LRRTM4: variants seen among roughly 807,000 people sequenced by gnomAD.
The protein encoded by LRRTM4 is leucine-rich repeat transmembrane neuronal protein 4.
LRRTM4 carries 25 observed loss-of-function variants against 47.6 expected under a neutral mutation model. The ratio of observed to expected loss-of-function variants is 0.53; its 90% CI spans 0.38 to 0.73. The LOEUF (loss-of-function observed/expected upper bound fraction) is 0.73. Among genes scored for constraint, LRRTM4 ranks in the 30% least tolerant of loss-of-function variants. LRRTM4 has a pLI of 0.00. For missense variants in LRRTM4, 638 were observed against 713.4 expected, an observed-to-expected ratio of 0.89 and a Z score of 1.20; for synonymous variants, 311 against 269.5, an observed-to-expected ratio of 1.15 and a Z score of -1.51.
intron 3 of LRRTM4, among the ~76,000 whole-genome samples, chr2:77,078,355 AT>A (rs1232819571): frequency 6.9e-6 from 1 of 145,802 alleles, no homozygotes; most frequent in Admixed American, 7.0e-5. Flanking sequence ...ATTGAAAAAA[AT>A]ATGTTTGTCT....
intron 3 of LRRTM4, among the ~76,000 whole-genome samples, chr2:77,068,572 G>C (rs551380204): frequency 6.6e-6 from 1 of 152,238 alleles, no homozygotes; most frequent in South Asian, 2.1e-4. Context: ...GACATTTTCT[G>C]TCTGGCTTCC....
chr2:77,518,745 G>C lies in LRRTM4; in HGVS notation c.1124C>G (p.Pro375Arg). 6.2e-7 allele frequency: 1 copy of C among 1,613,370 alleles called. No homozygotes were observed. Among genetic ancestry groups the C allele is most frequent in the Non-Finnish European group, 8.5e-7 (1 of 1,179,632 alleles). Residue 375 changes from proline to arginine, a missense_variant, in exon 3 of 4, where the codon CCC becomes CGC. Transcript: ENST00000409884. ...VVNTERSHLV[P>R]QTPQKPLIIP... ...AATCAGAGGTTTCTGGGGAGTTTGG[G>C]GCACCAGGTGTGATCTTTCTGTGTT...
chr2:76,883,297 T>A (rs1236227359), intron 3 of LRRTM4, among the ~76,000 whole-genome samples: 1 of 152,198 alleles, frequency 6.6e-6, no homozygotes, highest in Admixed American at 6.5e-5. Flanking sequence ...AAAGGCTGCA[T>A]CTTATTTACA....
At chr2:77,101,629 C>G (rs752442540) in intron 3 of LRRTM4, among the ~76,000 whole-genome samples, 2 of 152,072 alleles carry the variant, frequency 1.3e-5, no homozygotes, top group African/African-American at 4.8e-5. Context: ...CAAAGCCCAT[C>G]TTTATTTATT....
intron 3 of LRRTM4, among the ~76,000 whole-genome samples, chr2:76,979,430 T>C (rs1676522148): frequency 6.6e-6 from 1 of 150,994 alleles, no homozygotes; most frequent in Non-Finnish European, 1.5e-5. Context: ...GTTAGACAAA[T>C]AGAAAAGTGA....
At chr2:77,081,025 T>G (rs1680511995) in intron 3 of LRRTM4, among the ~76,000 whole-genome samples, 1 of 152,148 alleles carries the variant, frequency 6.6e-6, no homozygotes, top group African/African-American at 2.4e-5. Context: ...TTTTCTTGCT[T>G]TAATTGCAAT....
intron 3 of LRRTM4, among the ~76,000 whole-genome samples, chr2:77,103,667 A>ATATATATATATATC (rs145819033): frequency 0.032 from 4,669 of 146,026 alleles, 155 homozygotes; most frequent in East Asian, 0.12. Context: ...ATATATAGAT[A>ATATATATATATATC]TATATATCAC....
rs372078370 is a variant in LRRTM4 at position 77,064,421 on chromosome 2, A to T, written c.1552-315505T>A. Among the ~76,000 whole-genome samples the T allele has an allele frequency of 2.0e-5, 3 of 152,300 alleles. 1 individual carries two copies. Among genetic ancestry groups the T allele is most frequent in the African/African-American group, 7.2e-5 (3 of 41,580 alleles). On this transcript the variant is annotated intron_variant, in intron 3 of 3. Transcript: ENST00000409884. The stretch of plus-strand genomic sequence containing the variant: ...GAAGCTAAGAAATGGTATCTTAATA[A>T]CTTAATTTGAAAGTAGATTTCAAAG...
At chr2:77,001,659 G>A (rs974097412) in intron 3 of LRRTM4, among the ~76,000 whole-genome samples, 4 of 152,094 alleles carry the variant, frequency 2.6e-5, no homozygotes, top group Middle Eastern at 3.4e-3. Context: ...TCAGCCCCTC[G>A]ATATCCAATA....
intron 3 of LRRTM4, among the ~76,000 whole-genome samples, chr2:76,831,350 C>T (rs532041271): frequency 6.6e-6 from 1 of 152,166 alleles, no homozygotes; most frequent in South Asian, 2.1e-4. Flanking sequence ...TGCACACGCT[C>T]GCATTTGTGT....
At chr2:77,406,023 A>G (rs1292018312) in intron 3 of LRRTM4, among the ~76,000 whole-genome samples, 1 of 152,120 alleles carries the variant, frequency 6.6e-6, no homozygotes, top group African/African-American at 2.4e-5. Flanking sequence ...GACATTAGAT[A>G]AAGAAGTGAA....
At chr2:76,808,226 G>A (rs1048989290) in intron 3 of LRRTM4, among the ~76,000 whole-genome samples, 1 of 150,282 alleles carries the variant, frequency 6.7e-6, no homozygotes, top group Non-Finnish European at 1.5e-5. Context: ...CATCATGTTG[G>A]TCAGGCTGGT....
intron 3 of LRRTM4, among the ~76,000 whole-genome samples, chr2:77,054,291 G>A (rs968451690): frequency 2.6e-5 from 4 of 152,086 alleles, no homozygotes; most frequent in African/African-American, 7.2e-5. Context: ...AAATAAATTG[G>A]TTGAAAATTA....
At chr2:77,466,470 TAG>T (rs1473966940) in intron 3 of LRRTM4, among the ~76,000 whole-genome samples, 5 of 152,348 alleles carry the variant, frequency 3.3e-5, no homozygotes, top group African/African-American at 9.6e-5. Context: ...TGCAGTTCAC[TAG>T]AGTCACTTAA....
At chr2:77,323,216 A>G (rs1670610630) in intron 3 of LRRTM4, among the ~76,000 whole-genome samples, 2 of 152,072 alleles carry the variant, frequency 1.3e-5, no homozygotes, top group African/African-American at 4.8e-5. Flanking sequence ...AAGTTATTCC[A>G]AACAGATTAA....
intron 3 of LRRTM4, among the ~76,000 whole-genome samples, chr2:76,904,695 C>A (rs1673761136): frequency 6.6e-6 from 1 of 152,102 alleles, no homozygotes; most frequent in Non-Finnish European, 1.5e-5. Context: ...GCTTTGAAGT[C>A]AGCAAACTGA....
At chr2:77,345,995 T>C (rs1671546447) in intron 3 of LRRTM4, among the ~76,000 whole-genome samples, 1 of 151,898 alleles carries the variant, frequency 6.6e-6, no homozygotes, top group African/African-American at 2.4e-5. Context: ...AACAAACTAG[T>C]ATTTTTTATA....
chr2:76,902,918 C>G (rs568335473), intron 3 of LRRTM4, among the ~76,000 whole-genome samples: 2 of 151,550 alleles, frequency 1.3e-5, no homozygotes, highest in East Asian at 1.9e-4. Context: ...TTAATTAGCT[C>G]TATTTCCAGG....
intron 3 of LRRTM4, among the ~76,000 whole-genome samples, chr2:77,287,253 C>G (rs950038802): frequency 6.6e-6 from 1 of 151,944 alleles, no homozygotes; most frequent in African/African-American, 2.4e-5. Context: ...TTGTTCATGT[C>G]ACCTTGTGTT....
Sources: allele counts gnomAD v4.1 joint callset (sites outside exome capture counted in the v4.1 genomes callset), GRCh38; gene constraint gnomAD v4.1.1; transcripts MANE v1.5; gene names NCBI Gene and HGNC (gene_info 2026-07-23, HGNC 2026-07-21).